The following C21orf58 variants were observed in gnomAD, a reference collection of about 807,000 sequenced individuals.
C21orf58 encodes chromosome 21 open reading frame 58.
In C21orf58, 34 loss-of-function variants were observed where a neutral mutation model predicts 35.8. The observed-to-expected ratio is 0.95, with a 90% confidence interval of 0.72 to 1.26. The LOEUF (loss-of-function observed/expected upper bound fraction) is 1.26, where lower values mean the gene tolerates loss of function less well. Ranked by LOEUF, C21orf58 falls within the 50% of genes most tolerant of loss-of-function variation. The pLI is 0.00. For synonymous variants in C21orf58, 191 were observed against 175.8 expected (o/e 1.09, Z -0.68); for missense variants, 440 against 414.3 (o/e 1.06, Z -0.54).
At position 46,314,753 on chromosome 21, in the gene C21orf58, G is replaced by A. The variant is rs117880826; in HGVS notation, c.572C>T (p.Pro191Leu). The change falls in exon 5 of 8, where the codon CCG becomes CTG. Residue 191 changes from proline to leucine, a missense_variant. Pro to Leu is a moderately conservative substitution (Grantham distance 98). Transcript: ENST00000291691. ...GATCCTTGGCGGGTCTGGGGCCAGC[G>A]GGGATGGGGAGGCAGTGGGTAGGAT... is the stretch of plus-strand genomic sequence containing the variant. ...TGILPTASPSPLAPDPPRIIL... is the reference protein window; with the variant it reads ...TGILPTASPSLLAPDPPRIIL... The A allele has an allele frequency of 4.0e-4, 605 of 1,504,158 alleles. 2 individuals carry two copies. The East Asian group carries it at 6.5e-3, about 16-fold the overall frequency. 93.2% of individuals were successfully genotyped at this position (1,504,158 alleles called of 1,614,324 possible).
intron 5 of C21orf58, among the ~76,000 whole-genome samples, chr21:46,312,611 T>C (rs201133238): frequency 1.3e-5 from 2 of 152,212 alleles, no homozygotes; most frequent in East Asian, 3.8e-4. Flanking sequence ...GCAGTAGCGG[T>C]TGGCCACCTT....
intron 6 of C21orf58, among the ~76,000 whole-genome samples, chr21:46,305,180 G>A (rs1314288665): frequency 2.0e-5 from 3 of 152,166 alleles, no homozygotes; most frequent in South Asian, 2.1e-4. Flanking sequence ...AGGGGGTGAC[G>A]TAGTCCGACG....
intron 7 of C21orf58, 99 bp downstream of exon 7, chr21:46,302,386 A>T: frequency 9.0e-7 from 1 of 1,112,622 alleles, no homozygotes; most frequent in Non-Finnish European, 1.3e-6. Context: ...CTGAGCCAGG[A>T]ATGCCCTTTC....
intron 2 of C21orf58, 82 bp downstream of exon 2, chr21:46,317,930 C>G (rs2083036090): frequency 6.8e-7 from 1 of 1,476,214 alleles, no homozygotes; most frequent in Non-Finnish European, 9.2e-7. Context: ...CATTCTGCAC[C>G]TGCAGGGCTG....
chr21:46,309,945 C>G (rs372326448), intron 6 of C21orf58, among the ~76,000 whole-genome samples: 3 of 151,974 alleles, frequency 2.0e-5, no homozygotes, highest in African/African-American at 7.2e-5. Context: ...TGCAGTGAGC[C>G]GAGATCACGC....
intron 6 of C21orf58, among the ~76,000 whole-genome samples, chr21:46,306,568 A>G (rs547592706): frequency 6.6e-6 from 1 of 152,270 alleles, no homozygotes; most frequent in African/African-American, 2.4e-5. Context: ...ACTTTCCTGC[A>G]AATGTTTTTT....
chr21:46,322,658 T>C lies in C21orf58; in HGVS notation c.81A>G (p.Ser27=), dbSNP rs1289622619. ...LDRQKLPSPD[S]GHSLLCGWSP... is the part of the protein sequence containing the mutation. ...GCTCACCACACAGAAGACTGTGGCC[T>C]GAGTCAGGAGAAGGAAGTTTCTGGC... is the stretch of plus-strand genomic sequence containing the variant. The change falls in exon 1 of 8, where the codon TCA becomes TCG. Residue 27 remains serine (S), a synonymous_variant. Coordinates refer to ENST00000291691, the MANE Select transcript of C21orf58 (RefSeq NM_058180.5). 6.3e-7 allele frequency: 1 copy of C among 1,592,060 alleles called. No homozygotes were observed. The highest frequency in any genetic ancestry group is 8.6e-7 in the Non-Finnish European group (1 of 1,168,914).
At position 46,314,762 on chromosome 21, in the gene C21orf58, G is replaced by A. The variant is rs1477691176; in HGVS notation, c.563C>T (p.Ser188Phe). Residue 188 changes from serine to phenylalanine, a missense_variant, in exon 5 of 8, where the codon TCC becomes TTC. Coordinates refer to ENST00000291691, the MANE Select transcript of C21orf58 (RefSeq NM_058180.5). ...CGGGTCTGGGGCCAGCGGGGATGGG[G>A]AGGCAGTGGGTAGGATGCCCGTGGG... is the stretch of plus-strand genomic sequence containing the variant. The part of the protein sequence containing the change: ...LPPTGILPTA[S>F]PSPLAPDPPR... 3.3e-6 allele frequency: 5 copies of A among 1,511,684 alleles called. No homozygotes were observed. The African/African-American group carries it at 6.9e-5, about 21-fold the overall frequency. 93.6% of individuals were successfully genotyped at this position (1,511,684 alleles called of 1,614,324 possible).
intron 6 of C21orf58, among the ~76,000 whole-genome samples, chr21:46,305,951 G>A (rs111494170): frequency 2.5e-4 from 38 of 150,386 alleles, no homozygotes; most frequent in African/African-American, 7.8e-4. Flanking sequence ...AAAAAAAAAA[G>A]AAAAGAATCT....
intron 5 of C21orf58, 93 bp from the exon 6 acceptor site, chr21:46,311,660 C>G (rs921208683): frequency 3.7e-5 from 21 of 569,320 alleles, no homozygotes; most frequent in African/African-American, 3.4e-4. Context: ...CCCATCCAAC[C>G]AACCAACCAA....
intron 6 of C21orf58, among the ~76,000 whole-genome samples, chr21:46,309,974 G>C (rs2082598512): frequency 6.6e-6 from 1 of 152,084 alleles, no homozygotes; most frequent in African/African-American, 2.4e-5. Flanking sequence ...TCCAGCCTAG[G>C]CGACAGGCAA....
At chr21:46,303,747 T>TATATATATATGTATA (rs2082276706) in intron 6 of C21orf58, among the ~76,000 whole-genome samples, 1 of 10,882 alleles carries the variant, frequency 9.2e-5, no homozygotes, top group Admixed American at 1.7e-3. Context: ...ATATATATAT[T>TATATATATATGTATA]TTTTTTTTTT....
chr21:46,321,506 CCTT>C (rs1371648815), intron 1 of C21orf58, among the ~76,000 whole-genome samples: 1 of 152,224 alleles, frequency 6.6e-6, no homozygotes, highest in East Asian at 1.9e-4. Context: ...TCTTTAGGCT[CCTT>C]CTCAGACTTT....
At chr21:46,318,934 G>A (rs151335019) in intron 1 of C21orf58, 295 of 826,470 alleles carry the variant, frequency 3.6e-4, no homozygotes, top group Middle Eastern at 1.2e-3. Context: ...ACTGACATGT[G>A]GGGGATGTCA....
rs2083212030 is a variant in C21orf58, at chr21:46,322,652, G to C, written c.87C>G (p.His29Gln). The C allele has an allele frequency of 6.3e-7, 1 of 1,591,358 alleles. No individual in the cohort carries two copies. The highest frequency in any genetic ancestry group is 1.4e-5 in the African/African-American group (1 of 73,912). ...RQKLPSPDSG[H>Q]SLLCGWSPGG... ...CACCCCGCTCACCACACAGAAGACT[G>C]TGGCCTGAGTCAGGAGAAGGAAGTT... is the stretch of plus-strand genomic sequence containing the variant. Residue 29 changes from histidine to glutamine, a missense_variant, in exon 1 of 8, where the codon CAC becomes CAG. Physicochemically the swap from His to Gln is conservative, Grantham distance 24. Transcript: ENST00000291691.
In C21orf58 at chr21:46,323,308, C is replaced by G. The variant is rs1256150369; in HGVS notation, c.-570G>C. ...GTTCCGCTGAGCTCAAGCTGAGGGA[C>G]GACGACCTCATGCGACGTCAGTTTC... is the stretch of plus-strand genomic sequence containing the variant. On this transcript the variant is annotated 5_prime_UTR_variant, in exon 1 of 8. Coordinates refer to ENST00000291691, the MANE Select transcript of C21orf58 (RefSeq NM_058180.5). The G allele has an allele frequency of 6.6e-6, 1 of 152,338 alleles. No homozygotes were observed. The highest frequency in any genetic ancestry group is 1.5e-5 in the Non-Finnish European group (1 of 68,100). 9.4% of individuals were successfully genotyped at this position (152,338 alleles called of 1,614,324 possible).
At chr21:46,315,755 G>C (rs2082952921) in intron 3 of C21orf58, among the ~76,000 whole-genome samples, 1 of 152,152 alleles carries the variant, frequency 6.6e-6, no homozygotes, top group Non-Finnish European at 1.5e-5. Context: ...CAGCATCAGG[G>C]GAGGGGTAAT....
Position 46,302,494 on chromosome 21 carries a change from T to TG in C21orf58, c.803dup (p.Ala269SerfsTer181). On this transcript the variant is annotated frameshift_variant, in exon 7 of 8. Transcript: ENST00000291691. LOFTEE classifies it low-confidence loss of function (END_TRUNC). ...TGGGGGCTAAGCCTACCTGCAGGGC[T>TG]GGGGGCAGGGCCTTGAGCATCCAGT... 6.2e-7 allele frequency: 1 copy of TG among 1,610,102 alleles called. No homozygotes were observed. The highest frequency in any genetic ancestry group is 8.5e-7 in the Non-Finnish European group (1 of 1,177,722).
At chr21:46,312,789 G>A (rs1375375659) in intron 5 of C21orf58, among the ~76,000 whole-genome samples, 1 of 152,206 alleles carries the variant, frequency 6.6e-6, no homozygotes, top group Non-Finnish European at 1.5e-5. Context: ...CCCGTGGGTA[G>A]GATGGCCGCA....
Sources: gnomAD v4.1 joint callset for allele counts (sites outside exome capture counted in the v4.1 genomes callset) on GRCh38, gnomAD v4.1.1 for gene constraint, MANE v1.5 for transcripts, NCBI Gene and HGNC (gene_info 2026-07-23, HGNC 2026-07-21) for gene names.